DRC1: variants seen among roughly 807,000 people sequenced by gnomAD.
DRC1 encodes dynein regulatory complex subunit 1.
Under a neutral mutation model 98.7 loss-of-function variants are expected in DRC1, and 74 were observed. The ratio of observed to expected loss-of-function variants is 0.75; its 90% CI spans 0.62 to 0.91. The LOEUF is 0.91. Among genes scored for constraint, DRC1 ranks in the 40% least tolerant of loss-of-function variants. The pLI is 0.00. For synonymous variants in DRC1, 336 were observed against 334.1 expected (o/e 1.01, Z -0.06); for missense variants, 875 against 886.0 (o/e 0.99, Z 0.16).
chr2:26,418,665 T>C (rs1275046686), intron 2 of DRC1, among the ~76,000 whole-genome samples: 8 of 89,432 alleles, frequency 8.9e-5, no homozygotes, highest in Non-Finnish European at 1.6e-4. Context: ...TTATATATTA[T>C]ATAAATTAAA....
chr2:26,455,239 C>T lies in DRC1; in HGVS notation c.2166+6C>T, dbSNP rs201547851. 2,372 of 1,609,858 alleles carry T rather than the reference C, an allele frequency of 1.5e-3. 2 individuals carry two copies. The highest frequency in any genetic ancestry group is 1.9e-3 in the Non-Finnish European group (2,233 of 1,177,638). On this transcript the variant is annotated splice_donor_region_variant and intron_variant, in intron 16 of 16. Coordinates refer to ENST00000288710, the MANE Select transcript of DRC1 (RefSeq NM_145038.5). ...AGCAGTATCTGAACTCCAAGGTGGG[C>T]GGCGGGGCCTTCCAAGGAGGGGCAG... is the stretch of plus-strand genomic sequence containing the variant.
chr2:26,426,753 A>AT lies in DRC1; in HGVS notation c.540+2301dup, dbSNP rs1339485300. ...TTTTGGCAATTTGGAGTCTCTTGAG[A>AT]TTCTGAATTTTACAAATTTTAGGAT... On this transcript the variant is annotated intron_variant, in intron 4 of 16. Coordinates refer to ENST00000288710, the MANE Select transcript of DRC1 (RefSeq NM_145038.5). Among the ~76,000 whole-genome samples, 4 of 152,258 alleles carry AT rather than the reference A, an allele frequency of 2.6e-5. No individual in the cohort carries two copies. The East Asian group carries it at 5.8e-4, about 22-fold the overall frequency.
chr2:26,449,731 G>A (rs151116875), intron 11 of DRC1, among the ~76,000 whole-genome samples: 1 of 152,228 alleles, frequency 6.6e-6, no homozygotes. Context: ...AGGTGGGTTG[G>A]TGCCCTTCTG....
Position 26,421,353 on chromosome 2 carries a change from CAG to C in DRC1, c.315_316del (p.Glu105AspfsTer16), listed in dbSNP as rs780462851. 2 of 1,613,564 alleles carry C rather than the reference CAG, an allele frequency of 1.2e-6. No individual in the cohort carries two copies. The highest frequency in any genetic ancestry group is 1.7e-6 in the Non-Finnish European group (2 of 1,179,730). ...CAAATATCCAGGTGGCTATAGATAT[CAG>C]AGAGATTCACAGGAGAGTCGAAGAA... ...VTNIQVAIDI[R>X]EIHRRVEEEE... On this transcript the variant is annotated frameshift_variant, in exon 3 of 17. Transcript: ENST00000288710. LOFTEE classifies it high-confidence loss of function.
chr2:26,412,339 G>T (rs1678640712), intron 1 of DRC1, among the ~76,000 whole-genome samples: 1 of 152,184 alleles, frequency 6.6e-6, no homozygotes, highest in East Asian at 1.9e-4. Flanking sequence ...TTGCACTCCA[G>T]CCTGGGCAAC....
At chr2:26,449,752 G>T (rs998966831) in intron 11 of DRC1, among the ~76,000 whole-genome samples, 1 of 152,204 alleles carries the variant, frequency 6.6e-6, no homozygotes, top group African/African-American at 2.4e-5. Flanking sequence ...GGTGGGAAAA[G>T]CTAAGTCTGT....
Position 26,454,934 on chromosome 2 carries a change from T to C in DRC1, c.2063+144T>C. ...TGGCATCTCCTGTGTGGGTGGATCA[T>C]GTGGGGCAGTTGGCTCTTGGGCCCT... On this transcript the variant is annotated intron_variant, in intron 15 of 16. Transcript: ENST00000288710. This position sits in a 1 kb window ranked among gnomAD's most constrained non-coding sequence, Gnocchi z 5.2. 2 of 1,446,274 alleles carry C rather than the reference T, an allele frequency of 1.4e-6. No homozygotes were observed. The highest frequency in any genetic ancestry group is 2.3e-5 in the East Asian group (1 of 43,816). 89.6% of individuals were successfully genotyped at this position (1,446,274 alleles called of 1,614,324 possible). A position where few individuals can be genotyped will look rare whatever the true frequency, so the allele number is the denominator to read the frequency against.
At chr2:26,414,812 G>T (rs1428775412) in intron 2 of DRC1, among the ~76,000 whole-genome samples, 2 of 152,088 alleles carry the variant, frequency 1.3e-5, no homozygotes, top group African/African-American at 2.4e-5. Flanking sequence ...CTCCAGTGGG[G>T]TTTTGTTCAT....
chr2:26,455,076 A>G (rs944919606), intron 15 of DRC1, 55 bp from the exon 16 acceptor site: 7 of 1,590,510 alleles, frequency 4.4e-6, no homozygotes, highest in Non-Finnish European at 5.2e-6. Context: ...CCTGGCCCCT[A>G]CTTGGCAGAG....
At chr2:26,443,894 G>A (rs1220216133) in intron 8 of DRC1, among the ~76,000 whole-genome samples, 1 of 152,092 alleles carries the variant, frequency 6.6e-6, no homozygotes, top group African/African-American at 2.4e-5. Flanking sequence ...AATATGTGAG[G>A]CTGGCCCTAG....
At position 26,444,912 on chromosome 2, in the gene DRC1, G is replaced by T; in HGVS notation, c.1360G>T (p.Ala454Ser). ...TATTTCTCAGCAGCCCCAGAAGTCC[G>T]CCACACAGATAGTAGAAGAAATGCT... Reference protein sequence around the residue: ...GPISQQPQKSATQIVEEMLMR... With the variant: ...GPISQQPQKSSTQIVEEMLMR... The change falls in exon 10 of 17, where the codon GCC becomes TCC. Residue 454 changes from alanine to serine, a missense_variant. Physicochemically the swap from Ala to Ser is moderately conservative, Grantham distance 99. Transcript: ENST00000288710. The T allele has an allele frequency of 6.2e-7, 1 of 1,614,104 alleles. No homozygotes were observed.
At chr2:26,404,637 C>G (rs568544305) in intron 1 of DRC1, among the ~76,000 whole-genome samples, 3 of 152,196 alleles carry the variant, frequency 2.0e-5, no homozygotes, top group Non-Finnish European at 4.4e-5. Flanking sequence ...CCCACCAACA[C>G]CCCTGGGTGG....
chr2:26,408,807 A>G (rs1678504344), intron 1 of DRC1, among the ~76,000 whole-genome samples: 1 of 152,010 alleles, frequency 6.6e-6, no homozygotes, highest in Non-Finnish European at 1.5e-5. Context: ...TAATAAAGAC[A>G]CTAACATCGG....
intron 7 of DRC1, among the ~76,000 whole-genome samples, chr2:26,439,950 C>CAT (rs1326652468): frequency 1.6e-4 from 4 of 25,764 alleles, no homozygotes; most frequent in African/African-American, 3.3e-4. Flanking sequence ...CACACACATA[C>CAT]ACACACACAC....
intron 3 of DRC1, among the ~76,000 whole-genome samples, chr2:26,423,381 G>C (rs1274984670): frequency 6.6e-6 from 1 of 152,182 alleles, no homozygotes; most frequent in Non-Finnish European, 1.5e-5. Context: ...TGTTTAAGCT[G>C]TGACTTCGGT....
Position 26,456,510 on chromosome 2 carries a change from C to T in DRC1, c.2216C>T (p.Thr739Ile), listed in dbSNP as rs772917439. ...VPPTQVLRVP[T>I]K ...CCCACTCAGGTGTTGCGGGTACCCA[C>T]AAAATGAGCTGGACCGCCAAAGGCT... The change falls in exon 17 of 17, where the codon ACA (threonine) becomes ATA (isoleucine). Residue 739 changes from threonine (T) to isoleucine (I), a missense_variant. Coordinates refer to ENST00000288710, the MANE Select transcript of DRC1 (RefSeq NM_145038.5). The T allele has an allele frequency of 6.2e-7, 1 of 1,614,116 alleles. No homozygotes were observed. Among genetic ancestry groups the T allele is most frequent in the Non-Finnish European group, 8.5e-7 (1 of 1,179,994 alleles).
At chr2:26,442,235 T>G (rs1489564676) in intron 8 of DRC1, among the ~76,000 whole-genome samples, 1 of 152,194 alleles carries the variant, frequency 6.6e-6, no homozygotes, top group Non-Finnish European at 1.5e-5. Context: ...TTAAAGGTCC[T>G]GCCTCTTAAT....
Position 26,402,065 on chromosome 2 carries a change from T to C in DRC1, c.76T>C (p.Ser26Pro). Residue 26 changes from serine to proline, a missense_variant, in exon 1 of 17, where the codon TCG (serine) becomes CCG (proline). Coordinates refer to ENST00000288710, the MANE Select transcript of DRC1 (RefSeq NM_145038.5). Reference protein sequence around the residue: ...EHLSTQILAPSVHSDNSQERI... With the variant: ...EHLSTQILAPPVHSDNSQERI... The stretch of plus-strand genomic sequence containing the variant: ...CTTGTCCACCCAGATTCTCGCGCCC[T>C]CGGTCCACTCCGACAACTCTCAGGA... 6.2e-7 allele frequency: 1 copy of C among 1,613,278 alleles called. No individual in the cohort carries two copies. The highest frequency in any genetic ancestry group is 8.5e-7 in the Non-Finnish European group (1 of 1,179,822).
In DRC1 at chr2:26,454,487, T is replaced by C. The variant is rs1025693539; in HGVS notation, c.1920-160T>C. Among the ~76,000 whole-genome samples, 28 of 152,036 alleles carry C rather than the reference T, an allele frequency of 1.8e-4. No individual in the cohort carries two copies. The highest frequency in any genetic ancestry group is 2.9e-5 in the Non-Finnish European group (2 of 68,012). On this transcript the variant is annotated intron_variant, in intron 14 of 16. Transcript: ENST00000288710. This position sits in a 1 kb window ranked among gnomAD's most constrained non-coding sequence, Gnocchi z 5.2. ...GGTACCGAGGCAGGAACGTTGACAA[T>C]AAGCATGCGTCCTTTCTGAGAACCT...
Sources: gnomAD v4.1 joint callset for allele counts (sites outside exome capture counted in the v4.1 genomes callset) on GRCh38, gnomAD v4.1.1 for gene constraint, Gnocchi (gnomAD v3.1) non-coding constraint, MANE v1.5 for transcripts, NCBI Gene and HGNC (gene_info 2026-07-23, HGNC 2026-07-21) for gene names.